ABCA5: variants seen among roughly 807,000 people sequenced by gnomAD.
ABCA5 encodes the protein ATP binding cassette subfamily A member 5.
In ABCA5, 163 loss-of-function variants were observed where a neutral mutation model predicts 206.0. The observed-to-expected ratio is 0.79, with a 90% CI of 0.70 to 0.90. The LOEUF (loss-of-function observed/expected upper bound fraction) is 0.90, where lower values mean the gene tolerates loss of function less well. Among genes scored for constraint, ABCA5 ranks in the 40% least tolerant of loss-of-function variants. The pLI is 0.00. For missense variants in ABCA5, 1,859 were observed against 1,912.9 expected (o/e 0.97, Z 0.53); for synonymous variants, 609 against 613.8 (o/e 0.99, Z 0.11).
intron 19 of ABCA5, among the ~76,000 whole-genome samples, chr17:69,276,399 AT>A (rs1441665809): frequency 6.6e-6 from 1 of 152,044 alleles, no homozygotes; most frequent in Non-Finnish European, 1.5e-5. Context: ...TATTTTAATT[AT>A]TTTTCTGAGT....
Position 69,247,180 on chromosome 17 carries a change from T to C in ABCA5, c.*357A>G, listed in dbSNP as rs2144881201. On this transcript the variant is annotated 3_prime_UTR_variant, in exon 39 of 39. Coordinates refer to ENST00000392676, the MANE Select transcript of ABCA5 (RefSeq NM_172232.4). ...TTTTTATTTAGATTGGAACATTACG[T>C]ACTTATTTAAGAAGATGGCATAAAC... 6.3e-6 allele frequency: 1 copy of C among 159,210 alleles called. No individual in the cohort carries two copies. Among genetic ancestry groups the C allele is most frequent in the Non-Finnish European group, 1.4e-5 (1 of 72,750 alleles). 9.9% of individuals were successfully genotyped at this position (159,210 alleles called of 1,614,324 possible). A position where few individuals can be genotyped will look rare whatever the true frequency, so the allele number is the denominator to read the frequency against.
chr17:69,275,948 G>C (rs886721240), intron 19 of ABCA5, among the ~76,000 whole-genome samples: 1 of 152,174 alleles, frequency 6.6e-6, no homozygotes, highest in African/African-American at 2.4e-5. Context: ...CAGGAAGACA[G>C]CCATCACCAT....
intron 4 of ABCA5, 72 bp from the exon 5 acceptor site, chr17:69,308,440 G>A: frequency 1.0e-6 from 1 of 983,338 alleles, no homozygotes. Flanking sequence ...GATATTATAT[G>A]GAGAGATACC....
chr17:69,309,767 G>A (rs140988725), intron 3 of ABCA5, among the ~76,000 whole-genome samples: 2 of 152,202 alleles, frequency 1.3e-5, no homozygotes, highest in African/African-American at 4.8e-5. Flanking sequence ...TTTGAGCTAG[G>A]AGGTCGAGGC....
At chr17:69,262,193 T>C (rs2075155952) in intron 24 of ABCA5, among the ~76,000 whole-genome samples, 1 of 152,080 alleles carries the variant, frequency 6.6e-6, no homozygotes, top group Non-Finnish European at 1.5e-5. Context: ...TGCAAATCAG[T>C]CTCTTCTTTG....
intron 12 of ABCA5, among the ~76,000 whole-genome samples, chr17:69,290,582 A>G (rs544940): frequency 0.31 from 47,262 of 151,960 alleles, 7,862 homozygotes; most frequent in East Asian, 0.56. Flanking sequence ...TCAAAGAGTG[A>G]TACAACTAAG....
intron 1 of ABCA5, among the ~76,000 whole-genome samples, chr17:69,319,603 G>A (rs2075846412): frequency 6.6e-6 from 1 of 152,126 alleles, no homozygotes; most frequent in African/African-American, 2.4e-5. Context: ...CCACAGACTG[G>A]ATGGAAGTCA....
intron 1 of ABCA5, among the ~76,000 whole-genome samples, chr17:69,316,336 T>C (rs1427333477): frequency 6.6e-6 from 1 of 151,564 alleles, no homozygotes; most frequent in East Asian, 1.9e-4. Context: ...CTACTAAAAA[T>C]ACAAAAATTA....
At chr17:69,289,456 C>T (rs575923995) in intron 13 of ABCA5, among the ~76,000 whole-genome samples, 160 bp from the exon 14 acceptor site, 10 of 152,118 alleles carry the variant, frequency 6.6e-5, no homozygotes. Context: ...GATCCTTTAG[C>T]ATGGAACTGC....
chr17:69,245,305 A>G lies in ABCA5; in HGVS notation c.*2232T>C, dbSNP rs1336094941. ...GCTTTTACTTTCCTTTGAAAATTTG[A>G]CCATGAATGGGAAATATAAGGTTGG... On this transcript the variant is annotated 3_prime_UTR_variant, in exon 39 of 39. Coordinates refer to ENST00000392676, the MANE Select transcript of ABCA5 (RefSeq NM_172232.4). 1.3e-5 allele frequency: 2 copies of G among 151,956 alleles called. No homozygotes were observed. The highest frequency in any genetic ancestry group is 2.4e-5 in the African/African-American group (1 of 41,430). 9.4% of individuals were successfully genotyped at this position (151,956 alleles called of 1,614,324 possible).
intron 18 of ABCA5, among the ~76,000 whole-genome samples, chr17:69,282,023 A>G (rs2075399369): frequency 6.6e-6 from 1 of 152,016 alleles, no homozygotes; most frequent in Admixed American, 6.6e-5. Flanking sequence ...AGTTTCCTCA[A>G]CTCATGTTCT....
chr17:69,285,143 G>C (rs1157745471), intron 17 of ABCA5, among the ~76,000 whole-genome samples: 2 of 152,006 alleles, frequency 1.3e-5, no homozygotes, highest in Non-Finnish European at 2.9e-5. Context: ...TTGAAATATT[G>C]GGATAATGAA....
At chr17:69,273,587 C>G (rs1045958309) in intron 20 of ABCA5, among the ~76,000 whole-genome samples, 2 of 151,724 alleles carry the variant, frequency 1.3e-5, no homozygotes, top group African/African-American at 4.8e-5. Context: ...TCCCGAGTAC[C>G]TGAGACTACA....
intron 24 of ABCA5, 52 bp from the exon 25 acceptor site, chr17:69,261,800 A>T: frequency 1.6e-6 from 1 of 644,468 alleles, no homozygotes; most frequent in Non-Finnish European, 2.5e-6. Flanking sequence ...TGCAATACAC[A>T]TGACATGAAA....
At chr17:69,317,868 A>G (rs62080893) in intron 1 of ABCA5, 15,010 of 152,200 alleles carry the variant, frequency 0.099, 942 homozygotes, top group Non-Finnish European at 0.14. Context: ...TGCAATGTCC[A>G]CTGCCCCTAT....
At chr17:69,286,936 G>A (rs2075461662) in intron 15 of ABCA5, among the ~76,000 whole-genome samples, 1 of 152,156 alleles carries the variant, frequency 6.6e-6, no homozygotes, top group Non-Finnish European at 1.5e-5. Flanking sequence ...CAGGTCAGAG[G>A]CTTCTATCCT....
intron 17 of ABCA5, among the ~76,000 whole-genome samples, 200 bp downstream of exon 17, chr17:69,285,698 A>G (rs1164806775): frequency 1.3e-5 from 2 of 150,414 alleles, no homozygotes; most frequent in Non-Finnish European, 3.0e-5. Flanking sequence ...AGTTTCTTGC[A>G]TGGTGTTTGT....
chr17:69,317,308 C>G (rs1429242802), intron 1 of ABCA5: 1 of 142,540 alleles, frequency 7.0e-6, no homozygotes, highest in Non-Finnish European at 1.5e-5. Flanking sequence ...GAAGCCGAGG[C>G]AGAATTGCTT....
At chr17:69,301,085 T>C (rs546903475) in intron 9 of ABCA5, 54 bp downstream of exon 9, 74 of 1,458,824 alleles carry the variant, frequency 5.1e-5, no homozygotes, top group Non-Finnish European at 6.5e-5. Flanking sequence ...TGACCCTATG[T>C]GGGCAAAAAA....
Sources: gnomAD v4.1 joint callset for allele counts (sites outside exome capture counted in the v4.1 genomes callset) on GRCh38, gnomAD v4.1.1 for gene constraint, MANE v1.5 for transcripts, NCBI Gene and HGNC (gene_info 2026-07-23, HGNC 2026-07-21) for gene names.